The following CSDE1 variants were observed in gnomAD, a reference collection of about 807,000 sequenced individuals.
The protein encoded by CSDE1 is cold shock domain containing E1.
A neutral mutation model predicts 89.3 loss-of-function variants in CSDE1; 17 were observed. The observed-to-expected ratio is 0.19, with a 90% CI of 0.13 to 0.29. The LOEUF (loss-of-function observed/expected upper bound fraction) is 0.29, where lower values mean the gene tolerates loss of function less well. Among genes scored for constraint, CSDE1 ranks in the 10% least tolerant of loss-of-function variants. CSDE1 has a pLI of 1.00. For missense variants in CSDE1, 672 were observed against 984.2 expected (o/e 0.68, Z 4.24); for synonymous variants, 322 against 332.8 (o/e 0.97, Z 0.35).
At chr1:114,748,805 CAA>C (rs1247118249) in intron 2 of CSDE1, among the ~76,000 whole-genome samples, 10 of 152,186 alleles carry the variant, frequency 6.6e-5, no homozygotes, top group Non-Finnish European at 1.5e-4. Context: ...GCCTTTCCCT[CAA>C]AAGTGTCACC....
At chr1:114,723,664 CAT>C (rs368076690) in intron 16 of CSDE1, among the ~76,000 whole-genome samples, 15 of 152,302 alleles carry the variant, frequency 9.8e-5, no homozygotes, top group African/African-American at 3.4e-4. Context: ...ATGTATCAGT[CAT>C]GTGCTCACAA....
rs369438162 is a variant in CSDE1 at position 114,739,780 on chromosome 1, G to A, written c.111C>T (p.Tyr37=). Residue 37 remains tyrosine, a synonymous_variant, in exon 3 of 20, where the codon TAC becomes TAT. Coordinates refer to ENST00000358528, the MANE Select transcript of CSDE1 (RefSeq NM_001007553.3). The part of the protein sequence containing the change: ...TGVIEKLLTS[Y]GFIQCSERQA... ...GACGTTCTGAACACTGAATAAATCC[G>A]TAAGAGGTTAACAGTTTTTCAATAA... The A allele has an allele frequency of 2.6e-5, 42 of 1,613,982 alleles. No individual in the cohort carries two copies. The highest frequency in any genetic ancestry group is 8.3e-5 in the Admixed American group (5 of 60,012).
At chr1:114,726,164 G>C in intron 14 of CSDE1, 47 bp downstream of exon 14, 4 of 1,527,064 alleles carry the variant, frequency 2.6e-6, no homozygotes, top group Non-Finnish European at 3.5e-6. Flanking sequence ...CAACACCAAA[G>C]AATGGATGGT....
chr1:114,737,571 TC>T lies in CSDE1; in HGVS notation c.310-9del. ...AGGAACAGCGCACACAACCTACCAG[TC>T]AAAAAAAAAAAAATTTCCATTGCTA... On this transcript the variant is annotated splice_polypyrimidine_tract_variant and intron_variant, in intron 4 of 19. Transcript: ENST00000358528. The T allele has an allele frequency of 1.3e-6, 2 of 1,590,312 alleles. No individual in the cohort carries two copies. The highest frequency in any genetic ancestry group is 1.8e-5 in the Admixed American group (1 of 55,068).
intron 10 of CSDE1, among the ~76,000 whole-genome samples, chr1:114,732,103 C>T (rs1285963481): frequency 1.3e-5 from 2 of 151,978 alleles, no homozygotes; most frequent in Non-Finnish European, 2.9e-5. Context: ...TGTGAGCCAC[C>T]GTGCCTATGA....
chr1:114,720,838 C>T (rs2101008809), intron 16 of CSDE1, 121 bp from the exon 17 acceptor site: 1 of 855,278 alleles, frequency 1.2e-6, no homozygotes, highest in Non-Finnish European at 1.7e-6. Context: ...TTTACATTTT[C>T]AGTACTCAGA....
At chr1:114,718,537 C>A in intron 19 of CSDE1, 76 bp downstream of exon 19, 1 of 1,541,722 alleles carries the variant, frequency 6.5e-7, no homozygotes, top group Non-Finnish European at 8.8e-7. Context: ...GTTTCCTGAC[C>A]TATTGTTTAA....
chr1:114,725,631 C>T (rs113555574), intron 14 of CSDE1, among the ~76,000 whole-genome samples: 2 of 89,518 alleles, frequency 2.2e-5, no homozygotes, highest in African/African-American at 1.1e-4. Context: ...TTCTAAGAAC[C>T]CTTACTTTCT....
chr1:114,746,267 A>G (rs1661005986), intron 2 of CSDE1, among the ~76,000 whole-genome samples: 1 of 152,194 alleles, frequency 6.6e-6, no homozygotes, highest in Non-Finnish European at 1.5e-5. Flanking sequence ...CGACCAATAT[A>G]AAGTACTGAG....
chr1:114,756,915 A>G (rs1284202955), intron 1 of CSDE1: 1 of 152,246 alleles, frequency 6.6e-6, no homozygotes, highest in African/African-American at 2.4e-5. Flanking sequence ...CTTGGCACTA[A>G]GATTTCGTAT....
chr1:114,753,660 T>C (rs1661427195), intron 1 of CSDE1, among the ~76,000 whole-genome samples: 1 of 152,178 alleles, frequency 6.6e-6, no homozygotes, highest in Admixed American at 6.5e-5. Flanking sequence ...CTCTCGCTTG[T>C]AATCCCCAGC....
intron 9 of CSDE1, 22 bp downstream of exon 9, chr1:114,733,710 T>C (rs1386408435): frequency 6.2e-7 from 1 of 1,608,294 alleles, no homozygotes; most frequent in Non-Finnish European, 8.5e-7. Context: ...GAAATAGGAC[T>C]CTCCTGAAAA....
chr1:114,720,797 G>T, intron 16 of CSDE1, 80 bp from the exon 17 acceptor site: 2 of 1,209,762 alleles, frequency 1.7e-6, no homozygotes, highest in Non-Finnish European at 2.3e-6. Context: ...TTATATAACT[G>T]CTAAAAATGT....
intron 2 of CSDE1, among the ~76,000 whole-genome samples, chr1:114,741,161 C>T (rs886072859): frequency 4.6e-5 from 7 of 152,124 alleles, no homozygotes; most frequent in African/African-American, 1.4e-4. Flanking sequence ...AAAACAGACA[C>T]AGAGAAGTTA....
At chr1:114,737,873 C>T in intron 4 of CSDE1, 90 bp downstream of exon 4, 1 of 897,998 alleles carries the variant, frequency 1.1e-6, no homozygotes, top group Non-Finnish European at 1.9e-6. Context: ...TTCGTGCAAA[C>T]TGAGGAGATG....
chr1:114,724,555 C>A (rs2101019167), intron 15 of CSDE1, among the ~76,000 whole-genome samples: 1 of 152,218 alleles, frequency 6.6e-6, no homozygotes, highest in East Asian at 1.9e-4. Context: ...CAGATGAGAG[C>A]CAAAAATAAG....
At chr1:114,723,772 T>G (rs1195760821) in intron 16 of CSDE1, 111 bp downstream of exon 16, 12 of 1,470,276 alleles carry the variant, frequency 8.2e-6, no homozygotes, top group Non-Finnish European at 9.4e-6. Context: ...TTTTCCTTAA[T>G]TCAGTTTTAA....
intron 2 of CSDE1, among the ~76,000 whole-genome samples, 173 bp downstream of exon 2, chr1:114,749,644 CATAA>C (rs1383704743): frequency 3.3e-5 from 5 of 152,218 alleles, no homozygotes; most frequent in Middle Eastern, 3.4e-3. Context: ...AATGTTTGAC[CATAA>C]ATACTGTCCT....
At chr1:114,725,066 A>G (rs759097737) in intron 15 of CSDE1, among the ~76,000 whole-genome samples, 155 bp downstream of exon 15, 13 of 152,218 alleles carry the variant, frequency 8.5e-5, no homozygotes, top group Non-Finnish European at 1.8e-4. Flanking sequence ...CAGAGAACGT[A>G]TATTTCTAAC....
Sources: gnomAD v4.1 joint callset for allele counts (sites outside exome capture counted in the v4.1 genomes callset) on GRCh38, gnomAD v4.1.1 for gene constraint, MANE v1.5 for transcripts, NCBI Gene and HGNC (gene_info 2026-07-23, HGNC 2026-07-21) for gene names.